ANKRD66: variants seen among roughly 807,000 people sequenced by gnomAD.
ANKRD66 encodes ankyrin repeat domain-containing protein 66.
ANKRD66 carries 10 observed loss-of-function variants against 10.9 expected under a neutral mutation model. The observed-to-expected ratio is 0.91, with a 90% confidence interval of 0.56 to 1.55. ANKRD66 has a LOEUF of 1.55. Among genes scored for constraint, ANKRD66 ranks in the 40% most tolerant of loss-of-function variants. The pLI is 0.00. For missense variants in ANKRD66, 252 were observed against 242.9 expected, an observed-to-expected ratio of 1.04 and a Z score of -0.25; for synonymous variants, 85 against 88.4, an observed-to-expected ratio of 0.96 and a Z score of 0.22.
chr6:46,756,216 T>C (rs985833925), intron 4 of ANKRD66: 3 of 286,260 alleles, frequency 1.0e-5, no homozygotes, highest in African/African-American at 2.3e-5. Flanking sequence ...CTCTGACTTG[T>C]TAGCAATCAA....
chr6:46,748,559 A>G (rs1766193125), intron 1 of ANKRD66, among the ~76,000 whole-genome samples: 1 of 152,224 alleles, frequency 6.6e-6, no homozygotes, highest in South Asian at 2.1e-4. Flanking sequence ...AGGGATTTCT[A>G]TTAAAATGAA....
Position 46,759,074 on chromosome 6 carries a change from G to A in ANKRD66, c.*153G>A. ...TCATTAGGTGCTGTCCACATGGGCT[G>A]TTGTTTCCTGGCTAGCACCTACTGT... On this transcript the variant is annotated 3_prime_UTR_variant, in exon 5 of 5. Coordinates refer to ENST00000565422, the MANE Select transcript of ANKRD66 (RefSeq NM_001162435.3). The A allele has an allele frequency of 1.6e-6, 1 of 644,998 alleles. No homozygotes were observed. The highest frequency in any genetic ancestry group is 2.5e-6 in the Non-Finnish European group (1 of 398,508). 40.0% of individuals were successfully genotyped at this position (644,998 alleles called of 1,614,324 possible). A position where few individuals can be genotyped will look rare whatever the true frequency, so the allele number is the denominator to read the frequency against.
intron 3 of ANKRD66, among the ~76,000 whole-genome samples, 169 bp downstream of exon 3, chr6:46,752,280 G>A (rs149927711): frequency 6.6e-6 from 1 of 152,258 alleles, no homozygotes; most frequent in African/African-American, 2.4e-5. Flanking sequence ...TGTCATCCAG[G>A]CTGGAGTGCA....
intron 1 of ANKRD66, among the ~76,000 whole-genome samples, chr6:46,747,364 T>G (rs1401918859): frequency 1.3e-5 from 2 of 152,234 alleles, no homozygotes; most frequent in African/African-American, 2.4e-5. Flanking sequence ...TCAGTGGTTT[T>G]GGGCCTTTTG....
chr6:46,747,939 C>A (rs1054839017), intron 1 of ANKRD66, among the ~76,000 whole-genome samples: 6 of 151,898 alleles, frequency 4.0e-5, no homozygotes, highest in Non-Finnish European at 5.9e-5. Context: ...TAGAAAAAAC[C>A]CTTATATTTA....
At chr6:46,749,857 G>A (rs1441752887) in intron 1 of ANKRD66, 39 bp from the exon 2 acceptor site, 2 of 1,537,990 alleles carry the variant, frequency 1.3e-6, no homozygotes, top group Non-Finnish European at 1.8e-6. Context: ...TTAGGGCATT[G>A]CATTTTAATT....
rs944352575 is a variant in ANKRD66, at chr6:46,750,053, G to A, written c.-13+74G>A. On this transcript the variant is annotated intron_variant, in intron 2 of 4. Coordinates refer to ENST00000565422, the MANE Select transcript of ANKRD66 (RefSeq NM_001162435.3). ...GGGGCTGCTGCTGCTGCTGGTCACA[G>A]TTAGTGAAGTTGACTCCAGCTCCTT... 2.0e-5 allele frequency: 16 copies of A among 782,210 alleles called. No individual in the cohort carries two copies. The East Asian group carries it at 2.5e-4, about 12-fold the overall frequency. The allele number at this position is 782,210 out of a possible 1,614,324, so 48.5% of individuals were successfully genotyped here. A position where few individuals can be genotyped will look rare whatever the true frequency, so the allele number is the denominator to read the frequency against.
Position 46,758,732 on chromosome 6 carries a change from C to T in ANKRD66, c.402C>T (p.Pro134=), listed in dbSNP as rs991038280. 6.6e-5 allele frequency: 102 copies of T among 1,548,002 alleles called. No individual in the cohort carries two copies. Among genetic ancestry groups the T allele is most frequent in the Admixed American group, 7.9e-5 (4 of 50,630 alleles). ...CTCTCTTCTTTCCTAGGGCAGAGCC[C>T]GAGTGCCAGGACCACCGTTGCGCTG... ...ACVAFLEKAE[P]ECQDHRCAAQ... The change falls in exon 5 of 5, where the codon CCC becomes CCT. Residue 134 remains proline (P), a synonymous_variant. Coordinates refer to ENST00000565422, the MANE Select transcript of ANKRD66 (RefSeq NM_001162435.3).
At position 46,747,009 on chromosome 6, in the gene ANKRD66, C is replaced by A. The variant is rs1766157459; in HGVS notation, c.-97+19C>A. On this transcript the variant is annotated intron_variant, in intron 1 of 4. Coordinates refer to ENST00000565422, the MANE Select transcript of ANKRD66 (RefSeq NM_001162435.3). ...CAAGACAGTAAGTGTTTTTAAGTTA[C>A]CCTCTCTTATTTACTATAGTTATTA... 1 of 1,534,008 alleles carries A rather than the reference C, an allele frequency of 6.5e-7. No homozygotes were observed.
Position 46,749,908 on chromosome 6 carries a change from A to G in ANKRD66, c.-84A>G, listed in dbSNP as rs1471374274. ...TCTCTCCCTCCAGGGCTGTTCTCAC[A>G]TTTCAATGCACTCACCTGGAGGGCT... On this transcript the variant is annotated 5_prime_UTR_variant, in exon 2 of 5. Coordinates refer to ENST00000565422, the MANE Select transcript of ANKRD66 (RefSeq NM_001162435.3). The G allele has an allele frequency of 3.2e-6, 5 of 1,550,474 alleles. No homozygotes were observed. The highest frequency in any genetic ancestry group is 3.9e-5 in the Admixed American group (2 of 50,916).
chr6:46,753,988 G>A (rs1353933611), intron 4 of ANKRD66, 38 bp downstream of exon 4: 1 of 1,499,730 alleles, frequency 6.7e-7, no homozygotes, highest in Non-Finnish European at 9.0e-7. Context: ...AAGGAGCAGA[G>A]GAACAGGAGT....
In ANKRD66 at chr6:46,753,503, G is replaced by T. The variant is rs537807595; in HGVS notation, c.164-219G>T. On this transcript the variant is annotated intron_variant, in intron 3 of 4. Transcript: ENST00000565422. The stretch of plus-strand genomic sequence containing the variant: ...AAGGAGGACAGGGAAGGCTTGCAAG[G>T]CTCAGGCCCTGGGTGGGAACAAGGT... Among the ~76,000 whole-genome samples, 4 of 152,262 alleles carry T rather than the reference G, an allele frequency of 2.6e-5. No homozygotes were observed. The South Asian group carries it at 8.3e-4, about 32-fold the overall frequency.
chr6:46,754,493 A>C (rs560602055), intron 4 of ANKRD66, among the ~76,000 whole-genome samples: 2 of 152,368 alleles, frequency 1.3e-5, no homozygotes, highest in South Asian at 4.1e-4. Context: ...ATTAAGCACC[A>C]ATAATTTGCA....
Position 46,753,715 on chromosome 6 carries a change from A to T in ANKRD66, c.164-7A>T, listed in dbSNP as rs1284836271. On this transcript the variant is annotated splice_region_variant and splice_polypyrimidine_tract_variant and intron_variant, in intron 3 of 4. Coordinates refer to ENST00000565422, the MANE Select transcript of ANKRD66 (RefSeq NM_001162435.3). ...ACCTCATCCTGTTTCTTTTTGGTAC[A>T]TCTAAGGGCAAATGGAGGTGATACG... 1.3e-6 allele frequency: 2 copies of T among 1,541,198 alleles called. No homozygotes were observed.
Position 46,751,965 on chromosome 6 carries a change from T to C in ANKRD66, c.17T>C (p.Met6Thr). 6.8e-7 allele frequency: 1 copy of C among 1,467,944 alleles called. No individual in the cohort carries two copies. Among genetic ancestry groups the C allele is most frequent in the Non-Finnish European group, 9.0e-7 (1 of 1,112,314 alleles). The allele number at this position is 1,467,944 out of a possible 1,614,324, so 90.9% of individuals were successfully genotyped here. Residue 6 changes from methionine (M) to threonine (T), a missense_variant, in exon 3 of 5, where the codon ATG becomes ACG. Physicochemically the swap from Met to Thr is moderately conservative, Grantham distance 81. Transcript: ENST00000565422. MELAK[M>T]SDMTKLHQAV... ...TTTTCTGCCATGGAATTGGCCAAAA[T>C]GTCAGACATGACAAAGCTTCACCAA...
Position 46,749,218 on chromosome 6 carries a change from G to T in ANKRD66, c.-96-678G>T, listed in dbSNP as rs138237469. On this transcript the variant is annotated intron_variant, in intron 1 of 4. Coordinates refer to ENST00000565422, the MANE Select transcript of ANKRD66 (RefSeq NM_001162435.3). Reference sequence around the variant, plus strand: ...GGAGACTCTGCTGGTGGCAACTGCTGGGACTGAGCAGTGGAATCTCAGTAT... The same window carrying T: ...GGAGACTCTGCTGGTGGCAACTGCTTGGACTGAGCAGTGGAATCTCAGTAT... Among the ~76,000 whole-genome samples the T allele has an allele frequency of 1.7e-3, 266 of 152,306 alleles. 1 individual carries two copies. Among genetic ancestry groups the T allele is most frequent in the African/African-American group, 6.0e-3 (248 of 41,572 alleles).
chr6:46,756,114 C>T lies in ANKRD66; in HGVS notation c.392+2164C>T, dbSNP rs35955601. The T allele has an allele frequency of 1.3e-3, 555 of 442,596 alleles. 3 individuals are homozygous for T. The highest frequency in any genetic ancestry group is 5.6e-3 in the Middle Eastern group (17 of 3,020). 27.4% of individuals were successfully genotyped at this position (442,596 alleles called of 1,614,324 possible). A position where few individuals can be genotyped will look rare whatever the true frequency, so the allele number is the denominator to read the frequency against. On this transcript the variant is annotated intron_variant, in intron 4 of 4. Coordinates refer to ENST00000565422, the MANE Select transcript of ANKRD66 (RefSeq NM_001162435.3). ...TTTTGACTCTATATAAATCAAGAAACGCCTGACTTCTTTAGTAGTTTGTAT... is the reference window on the plus strand; with the variant it reads ...TTTTGACTCTATATAAATCAAGAAATGCCTGACTTCTTTAGTAGTTTGTAT...
At chr6:46,749,038 C>T (rs1204899287) in intron 1 of ANKRD66, among the ~76,000 whole-genome samples, 4 of 152,208 alleles carry the variant, frequency 2.6e-5, no homozygotes, top group East Asian at 3.8e-4. Flanking sequence ...TTCGTAGGCC[C>T]GTGGTCACCA....
chr6:46,755,278 C>T (rs1310624887), intron 4 of ANKRD66, among the ~76,000 whole-genome samples: 1 of 152,156 alleles, frequency 6.6e-6, no homozygotes, highest in African/African-American at 2.4e-5. Flanking sequence ...AGAGAAAATC[C>T]CACGTCAATA....
Sources: gnomAD v4.1 joint callset for allele counts (sites outside exome capture counted in the v4.1 genomes callset) on GRCh38, gnomAD v4.1.1 for gene constraint, MANE v1.5 for transcripts, NCBI Gene and HGNC (gene_info 2026-07-23, HGNC 2026-07-21) for gene names.